Variants in GMDS observed in about 807,000 individuals in gnomAD.
GMDS encodes GDP-mannose 4,6 dehydratase.
Under a neutral mutation model 49.9 loss-of-function variants are expected in GMDS, and 20 were observed. The observed-to-expected ratio is 0.40, with a 90% confidence interval of 0.28 to 0.58. GMDS has a LOEUF of 0.58. Among genes scored for constraint, GMDS ranks in the 20% least tolerant of loss-of-function variants. The pLI, the probability that GMDS is intolerant of heterozygous loss-of-function variation, is 0.42. For missense variants in GMDS, 362 were observed against 481.4 expected, an observed-to-expected ratio of 0.75 and a Z score of 2.32; for synonymous variants, 177 against 178.6, an observed-to-expected ratio of 0.99 and a Z score of 0.07.
intron 7 of GMDS, among the ~76,000 whole-genome samples, chr6:1,804,308 T>A (rs1316169172): frequency 1.3e-5 from 2 of 152,254 alleles, no homozygotes; most frequent in African/African-American, 4.8e-5. Flanking sequence ...CCAGCTTGGT[T>A]CTAAAGAGGC....
At chr6:2,163,374 G>C (rs1267447138) in intron 1 of GMDS, among the ~76,000 whole-genome samples, 1 of 152,120 alleles carries the variant, frequency 6.6e-6, no homozygotes, top group Non-Finnish European at 1.5e-5. Flanking sequence ...AGCTGTGTTA[G>C]TCAGGGTTCT....
chr6:2,139,164 C>T (rs1160097438), intron 1 of GMDS, among the ~76,000 whole-genome samples: 1 of 152,166 alleles, frequency 6.6e-6, no homozygotes, highest in Non-Finnish European at 1.5e-5. Flanking sequence ...AATTCACCCA[C>T]GTAACCAAGA....
intron 9 of GMDS, among the ~76,000 whole-genome samples, chr6:1,722,408 T>G (rs891547802): frequency 4.6e-5 from 7 of 151,894 alleles, no homozygotes; most frequent in South Asian, 2.1e-4. Flanking sequence ...ATTTCTACAT[T>G]TGCAATCTCC....
intron 7 of GMDS, among the ~76,000 whole-genome samples, chr6:1,929,871 T>A (rs1334859319): frequency 6.6e-6 from 1 of 152,232 alleles, no homozygotes; most frequent in African/African-American, 2.4e-5. Context: ...GAAGAGTATT[T>A]GTGAAAGTTT....
chr6:1,713,588 G>T (rs1157880961), intron 9 of GMDS, among the ~76,000 whole-genome samples: 1 of 152,114 alleles, frequency 6.6e-6, no homozygotes, highest in African/African-American at 2.4e-5. Context: ...AGACAAACAG[G>T]CTTTTTGGAT....
chr6:2,115,035 CT>C (rs1487905730), intron 4 of GMDS, among the ~76,000 whole-genome samples: 1 of 152,132 alleles, frequency 6.6e-6, no homozygotes, highest in Non-Finnish European at 1.5e-5. Flanking sequence ...GAGTTACTTG[CT>C]TTTATTTCTC....
intron 4 of GMDS, among the ~76,000 whole-genome samples, chr6:2,068,598 C>A (rs1176179383): frequency 6.6e-6 from 1 of 152,014 alleles, no homozygotes; most frequent in African/African-American, 2.4e-5. Context: ...GTGCAAAAAT[C>A]ACAAGCATTC....
intron 7 of GMDS, among the ~76,000 whole-genome samples, chr6:1,825,502 T>C (rs901311716): frequency 2.6e-5 from 4 of 152,192 alleles, no homozygotes; most frequent in Admixed American, 1.3e-4. Flanking sequence ...CTGAGAAATG[T>C]GTCCTTAGGT....
At chr6:1,794,453 G>T (rs1324662089) in intron 7 of GMDS, among the ~76,000 whole-genome samples, 1 of 152,194 alleles carries the variant, frequency 6.6e-6, no homozygotes, top group African/African-American at 2.4e-5. Context: ...ATAGAAAGCT[G>T]GGTGTTTGGT....
intron 4 of GMDS, among the ~76,000 whole-genome samples, chr6:2,064,441 C>T (rs553442269): frequency 6.4e-4 from 97 of 152,272 alleles, no homozygotes; most frequent in African/African-American, 2.3e-3. Context: ...TGCTTACATA[C>T]TTGATGCAAA....
chr6:1,638,501 T>A (rs115469366), intron 9 of GMDS, among the ~76,000 whole-genome samples: 2,442 of 151,416 alleles, frequency 0.016, 55 homozygotes, highest in African/African-American at 0.056. Context: ...ATGGATTCAT[T>A]CTATGCCCCA....
chr6:2,104,872 A>T (rs567923956), intron 4 of GMDS, among the ~76,000 whole-genome samples: 1 of 152,314 alleles, frequency 6.6e-6, no homozygotes, highest in African/African-American at 2.4e-5. Flanking sequence ...TATCTTGCCA[A>T]ATGATAGAGT....
At chr6:2,095,086 C>G (rs139790267) in intron 4 of GMDS, among the ~76,000 whole-genome samples, 2 of 152,294 alleles carry the variant, frequency 1.3e-5, no homozygotes, top group East Asian at 3.9e-4. Context: ...TACAATATAG[C>G]ACAGAATGCC....
intron 9 of GMDS, among the ~76,000 whole-genome samples, chr6:1,714,000 ATC>A (rs1276996253): frequency 6.6e-6 from 1 of 152,158 alleles, no homozygotes; most frequent in South Asian, 2.1e-4. Context: ...TATTAGGAAA[ATC>A]TCTATAAGCC....
At chr6:1,888,360 G>C (rs1431733864) in intron 7 of GMDS, among the ~76,000 whole-genome samples, 2 of 152,110 alleles carry the variant, frequency 1.3e-5, no homozygotes, top group South Asian at 4.2e-4. Context: ...GGGGAAGCAA[G>C]GCACCTTCTT....
chr6:1,631,121 G>C (rs904806467), intron 9 of GMDS, among the ~76,000 whole-genome samples: 2 of 152,140 alleles, frequency 1.3e-5, no homozygotes, highest in African/African-American at 4.8e-5. Flanking sequence ...TTGTGACATC[G>C]CTGGCAAGTG....
chr6:1,899,221 TGGTGTTA>T (rs1760374494), intron 7 of GMDS, among the ~76,000 whole-genome samples: 1 of 152,194 alleles, frequency 6.6e-6, no homozygotes, highest in Non-Finnish European at 1.5e-5. Flanking sequence ...TAGTCATTTA[TGGTGTTA>T]TTTTTCTTCT....
intron 4 of GMDS, among the ~76,000 whole-genome samples, chr6:2,002,744 C>G (rs917339259): frequency 1.2e-4 from 19 of 152,256 alleles, no homozygotes; most frequent in African/African-American, 4.6e-4. Flanking sequence ...TAACAGAAAT[C>G]ACAAATACTA....
At chr6:2,124,882 A>T (rs1775334265) in intron 1 of GMDS, 151 bp from the exon 2 acceptor site, 1 of 647,654 alleles carries the variant, frequency 1.5e-6, no homozygotes, top group Non-Finnish European at 2.8e-6. Flanking sequence ...AATGTCAATA[A>T]ATACCACATG....
Sources: gnomAD v4.1 joint callset for allele counts (sites outside exome capture counted in the v4.1 genomes callset) on GRCh38, gnomAD v4.1.1 for gene constraint, MANE v1.5 for transcripts, NCBI Gene and HGNC (gene_info 2026-07-23, HGNC 2026-07-21) for gene names.